IQCH: variants seen among roughly 807,000 people sequenced by gnomAD.
IQCH encodes IQ domain-containing protein H.
A neutral mutation model predicts 117.0 loss-of-function variants in IQCH; 98 were observed. The observed-to-expected ratio is 0.84, with a 90% CI of 0.71 to 0.99. The LOEUF (loss-of-function observed/expected upper bound fraction) is 0.99, where lower values mean the gene tolerates loss of function less well. Ranked by LOEUF, IQCH falls within the 50% of genes least tolerant of loss-of-function variation. The pLI is 0.00. For synonymous variants in IQCH, 412 were observed against 448.2 expected, an observed-to-expected ratio of 0.92 and a Z score of 1.02; for missense variants, 1,102 against 1,243.8, an observed-to-expected ratio of 0.89 and a Z score of 1.72.
intron 3 of IQCH, among the ~76,000 whole-genome samples, chr15:67,264,007 G>A (rs1032607744): frequency 1.3e-5 from 2 of 152,168 alleles, no homozygotes; most frequent in African/African-American, 4.8e-5. Context: ...AAAAATATTA[G>A]GCAGTGAAGT....
intron 8 of IQCH, among the ~76,000 whole-genome samples, chr15:67,363,162 G>T (rs949394032): frequency 1.4e-5 from 2 of 144,056 alleles, no homozygotes; most frequent in Non-Finnish European, 3.1e-5. Flanking sequence ...GAAGAGAAAA[G>T]AAAAATCCAG....
In IQCH at chr15:67,424,021, ATCT is replaced by A. The variant is rs1308693746; in HGVS notation, c.2505+2448_2505+2450del. Among the ~76,000 whole-genome samples the A allele has an allele frequency of 6.6e-6, 1 of 152,076 alleles. No homozygotes were observed. Among genetic ancestry groups the A allele is most frequent in the African/African-American group, 2.4e-5 (1 of 41,422 alleles). ...AAACTTGCACACAGCAGTCAAAAGG[ATCT>A]TCTCCAAACACGATGCCAGTCCTTC... is the stretch of plus-strand genomic sequence containing the variant. On this transcript the variant is annotated intron_variant, in intron 16 of 20. Transcript: ENST00000335894. This position sits in a 1 kb window ranked among gnomAD's most constrained non-coding sequence, Gnocchi z 4.9.
At chr15:67,296,474 T>C (rs1966853114) in intron 4 of IQCH, among the ~76,000 whole-genome samples, 1 of 152,014 alleles carries the variant, frequency 6.6e-6, no homozygotes, top group Non-Finnish European at 1.5e-5. Context: ...TAAGGGAAAC[T>C]GGTGGAGGAT....
chr15:67,350,572 G>A (rs979766337), intron 6 of IQCH, among the ~76,000 whole-genome samples: 4 of 151,968 alleles, frequency 2.6e-5, no homozygotes, highest in Admixed American at 6.6e-5. Flanking sequence ...GACTACAGGC[G>A]CCCGCAACCA....
rs772932006 is a variant in IQCH, at chr15:67,433,301, A to C, written c.2505+11724A>C. On this transcript the variant is annotated intron_variant, in intron 16 of 20. Coordinates refer to ENST00000335894, the MANE Select transcript of IQCH (RefSeq NM_001031715.3). The surrounding 1 kb of genome is among the most constrained non-coding windows in gnomAD (Gnocchi z 5.4). ...ATAAGCACATGGGCAATGATGACAA[A>C]TTTTTCCAGTGAAAATTACAATTCT... 6.6e-6 allele frequency among the ~76,000 whole-genome samples: 1 copy of C among 152,188 alleles called. No individual in the cohort carries two copies. Among genetic ancestry groups the C allele is most frequent in the Non-Finnish European group, 1.5e-5 (1 of 68,042 alleles).
At chr15:67,321,029 G>A (rs1484153046) in intron 4 of IQCH, among the ~76,000 whole-genome samples, 1 of 152,164 alleles carries the variant, frequency 6.6e-6, no homozygotes, top group Non-Finnish European at 1.5e-5. Flanking sequence ...ACTATATTCG[G>A]AGGAACACAC....
rs1166333413 is a variant in IQCH, at chr15:67,416,510, T to G, written c.2098-421T>G. On this transcript the variant is annotated intron_variant, in intron 14 of 20. Transcript: ENST00000335894. The surrounding 1 kb of genome is among the most constrained non-coding windows in gnomAD (Gnocchi z 5.1). The stretch of plus-strand genomic sequence containing the variant: ...CCAGCCTGGGCAACAAGAGCAAAAC[T>G]GCGTCTCAAAAAAAAAAAGAAAAAA... Among the ~76,000 whole-genome samples, 1 of 148,300 alleles carries G rather than the reference T, an allele frequency of 6.7e-6. No individual in the cohort carries two copies.
chr15:67,362,439 TAGTC>T (rs1970176466), intron 8 of IQCH, among the ~76,000 whole-genome samples: 1 of 152,158 alleles, frequency 6.6e-6, no homozygotes, highest in African/African-American at 2.4e-5. Context: ...TCACTTCTCT[TAGTC>T]ATTCTTTTCA....
At position 67,427,820 on chromosome 15, in the gene IQCH, C is replaced by T. The variant is rs1356026490; in HGVS notation, c.2505+6243C>T. The stretch of plus-strand genomic sequence containing the variant: ...AAAATATTTCAAGTAGTCTAAATTC[C>T]AATAATAGATTTTTTTTTTTTTTTT... On this transcript the variant is annotated intron_variant, in intron 16 of 20. Transcript: ENST00000335894. The surrounding 1 kb of genome is among the most constrained non-coding windows in gnomAD (Gnocchi z 4.7). Among the ~76,000 whole-genome samples, 2 of 150,404 alleles carry T rather than the reference C, an allele frequency of 1.3e-5. No homozygotes were observed. Among genetic ancestry groups the T allele is most frequent in the African/African-American group, 4.9e-5 (2 of 40,722 alleles).
At chr15:67,354,090 A>C (rs1471749023) in intron 6 of IQCH, among the ~76,000 whole-genome samples, 1 of 152,098 alleles carries the variant, frequency 6.6e-6, no homozygotes, top group African/African-American at 2.4e-5. Flanking sequence ...TCCATAGGGG[A>C]AAAAAAGAGG....
chr15:67,272,992 C>A (rs931937420), intron 3 of IQCH, among the ~76,000 whole-genome samples: 1 of 147,892 alleles, frequency 6.8e-6, no homozygotes. Flanking sequence ...CTCTTCCTTT[C>A]TTACTGTCTT....
At chr15:67,258,472 A>C (rs1403982449) in intron 1 of IQCH, among the ~76,000 whole-genome samples, 1 of 151,126 alleles carries the variant, frequency 6.6e-6, no homozygotes. Context: ...TGGAGGTTGC[A>C]GTGAGCCAAG....
intron 1 of IQCH, 52 bp from the exon 2 acceptor site, chr15:67,261,220 A>T (rs1276729557): frequency 1.5e-6 from 2 of 1,290,846 alleles, no homozygotes; most frequent in Admixed American, 5.4e-5. Context: ...TAACTGCTAT[A>T]GGTGGACTAT....
intron 16 of IQCH, among the ~76,000 whole-genome samples, chr15:67,438,748 G>A (rs574910211): frequency 6.6e-6 from 1 of 152,320 alleles, no homozygotes; most frequent in African/African-American, 2.4e-5. Context: ...AAAGCGAGCA[G>A]GGGTAGCTAT....
chr15:67,309,769 T>C (rs1967492609), intron 4 of IQCH, among the ~76,000 whole-genome samples: 1 of 151,664 alleles, frequency 6.6e-6, no homozygotes, highest in African/African-American at 2.4e-5. Context: ...AGAGGCAATC[T>C]GGTGTGCTGG....
At chr15:67,420,545 A>T (rs1263493127) in intron 15 of IQCH, among the ~76,000 whole-genome samples, 1 of 152,214 alleles carries the variant, frequency 6.6e-6, no homozygotes, top group African/African-American at 2.4e-5. Flanking sequence ...TGGGCCTAAA[A>T]ACAGAAGATT....
At chr15:67,313,482 A>G (rs1039547621) in intron 4 of IQCH, among the ~76,000 whole-genome samples, 2 of 152,160 alleles carry the variant, frequency 1.3e-5, no homozygotes, top group African/African-American at 2.4e-5. Context: ...TCAAGGATCA[A>G]TGTAATTGAT....
At chr15:67,357,019 C>G (rs1969914806) in intron 6 of IQCH, among the ~76,000 whole-genome samples, 1 of 152,142 alleles carries the variant, frequency 6.6e-6, no homozygotes, top group African/African-American at 2.4e-5. Flanking sequence ...AATCTTCTAA[C>G]AAAGCATTTT....
At position 67,422,449 on chromosome 15, in the gene IQCH, A is replaced by G. The variant is rs1172242489; in HGVS notation, c.2505+872A>G. 6.6e-6 allele frequency among the ~76,000 whole-genome samples: 1 copy of G among 152,116 alleles called. No individual in the cohort carries two copies. Among genetic ancestry groups the G allele is most frequent in the Non-Finnish European group, 1.5e-5 (1 of 68,016 alleles). On this transcript the variant is annotated intron_variant, in intron 16 of 20. Transcript: ENST00000335894. This position sits in a 1 kb window ranked among gnomAD's most constrained non-coding sequence, Gnocchi z 4.7. Reference sequence around the variant, plus strand: ...TAAGAAACAAAGTGGTGTCAGTGCCACCTGCAGTCCTGTGTACTCCTTGCC... The same window carrying G: ...TAAGAAACAAAGTGGTGTCAGTGCCGCCTGCAGTCCTGTGTACTCCTTGCC...
Sources: gnomAD v4.1 joint callset for allele counts (sites outside exome capture counted in the v4.1 genomes callset) on GRCh38, gnomAD v4.1.1 for gene constraint, Gnocchi (gnomAD v3.1) non-coding constraint, MANE v1.5 for transcripts, NCBI Gene and HGNC (gene_info 2026-07-23, HGNC 2026-07-21) for gene names.